DCHS1: variants seen among roughly 807,000 people sequenced by gnomAD.
DCHS1 encodes the protein protocadherin-16.
In DCHS1, 78 loss-of-function variants were observed where a neutral mutation model predicts 213.9. The observed-to-expected ratio is 0.36, with a 90% confidence interval of 0.30 to 0.44. DCHS1 has a LOEUF of 0.44. Ranked by LOEUF, DCHS1 falls within the 20% of genes least tolerant of loss-of-function variation. DCHS1 has a pLI of 1.00. For synonymous variants in DCHS1, 1,828 were observed against 1,873.7 expected (o/e 0.98, Z 0.63); for missense variants, 3,946 against 4,395.9 (o/e 0.90, Z 2.89).
chr11:6,642,974 G>A (rs945912667), intron 1 of DCHS1, among the ~76,000 whole-genome samples: 1 of 152,092 alleles, frequency 6.6e-6, no homozygotes, highest in South Asian at 2.1e-4. Context: ...TAGAGAGGCC[G>A]GGCTTGCTGA....
At position 6,641,898 on chromosome 11, in the gene DCHS1, G is replaced by C. The variant is rs970525658; in HGVS notation, c.-120-165C>G. Among the ~76,000 whole-genome samples the C allele has an allele frequency of 6.6e-6, 1 of 152,164 alleles. No homozygotes were observed. The highest frequency in any genetic ancestry group is 6.5e-5 in the Admixed American group (1 of 15,274). On this transcript the variant is annotated intron_variant, in intron 1 of 20. Coordinates refer to ENST00000299441, the MANE Select transcript of DCHS1 (RefSeq NM_003737.4). The surrounding 1 kb of genome is among the most constrained non-coding windows in gnomAD (Gnocchi z 7.1). ...ACGGATCTCTGCCTCAGGACTCTTC[G>C]AGGCCACTCCAGCCTTCCCCTTGGC... is the stretch of plus-strand genomic sequence containing the variant.
In DCHS1 at chr11:6,625,029, T is replaced by C. The variant is rs758152809; in HGVS notation, c.7147-161A>G. ...AATGGGAAATGCCCACCTTCTCCCC[T>C]TTCTGGGTACAGGATGCAAAACCAG... On this transcript the variant is annotated intron_variant, in intron 19 of 20. Coordinates refer to ENST00000299441, the MANE Select transcript of DCHS1 (RefSeq NM_003737.4). This position sits in a 1 kb window ranked among gnomAD's most constrained non-coding sequence, Gnocchi z 5.3. Among the ~76,000 whole-genome samples the C allele has an allele frequency of 1.2e-4, 18 of 152,196 alleles. No individual in the cohort carries two copies. The highest frequency in any genetic ancestry group is 2.6e-4 in the Non-Finnish European group (18 of 68,032).
chr11:6,623,925 G>T lies in DCHS1; in HGVS notation c.7751C>A (p.Ser2584Ter). The T allele has an allele frequency of 6.2e-7, 1 of 1,607,480 alleles. No individual in the cohort carries two copies. Among genetic ancestry groups the T allele is most frequent in the Non-Finnish European group, 8.5e-7 (1 of 1,175,138 alleles). The change falls in exon 21 of 21, where the codon TCA (serine) becomes TAA (stop). Residue 2584 changes from serine to a stop codon, truncating the protein, a stop_gained. Coordinates refer to ENST00000299441, the MANE Select transcript of DCHS1 (RefSeq NM_003737.4). LOFTEE classifies it high-confidence loss of function. The stretch of plus-strand genomic sequence containing the variant: ...TACAGTGACAGTGACTGGCACGACT[G>T]AGCTTTGGGGTGGCTGCCCACGGTC... ...AADRGQPPQS[S>*]VVPVTVTVLD...
At chr11:6,639,111 A>C (rs75928647) in intron 2 of DCHS1, among the ~76,000 whole-genome samples, 1 of 47,254 alleles carries the variant, frequency 2.1e-5, no homozygotes, top group Non-Finnish European at 7.4e-5. Flanking sequence ...CTCCGCCTCA[A>C]AAAAAAAAAA....
chr11:6,629,793 A>C lies in DCHS1; in HGVS notation c.4914T>G (p.Ser1638Arg), dbSNP rs1589955576. Reference protein sequence around the residue: ...PRSATQVLTVSVADVNDEAPT... With the variant: ...PRSATQVLTVRVADVNDEAPT... ...GCGCCTCGTCGTTGACGTCAGCGAC[A>C]CTGACGGTCAGGACCTGCGTGGCCG... is the stretch of plus-strand genomic sequence containing the variant. Residue 1638 changes from serine (S) to arginine (R), a missense_variant, in exon 11 of 21, where the codon AGT (serine) becomes AGG (arginine). Physicochemically the swap from Ser to Arg is moderately radical, Grantham distance 110. Transcript: ENST00000299441. 1 of 1,613,590 alleles carries C rather than the reference A, an allele frequency of 6.2e-7. No individual in the cohort carries two copies. The highest frequency in any genetic ancestry group is 8.5e-7 in the Non-Finnish European group (1 of 1,179,902).
rs1428259002 is a variant in DCHS1, at chr11:6,632,048, C to T, written c.3464G>A (p.Arg1155His). ...QQLSEDSKAF[R>H]IHPQTGEVTT... ...GTGCTCACCAGTCTGGGGGTGGATG[C>T]GGAAGGCCTTGCTGTCTTCAGACAG... Residue 1155 changes from arginine to histidine, a missense_variant, in exon 6 of 21, where the codon CGC becomes CAC. Physicochemically the swap from Arg to His is conservative, Grantham distance 29 (BLOSUM62 0). This residue lies in a region of DCHS1 where 3,384 missense variants were observed against 3,780.1 expected (regional missense o/e 0.90). Transcript: ENST00000299441. This position sits in a 1 kb window ranked among gnomAD's most constrained non-coding sequence, Gnocchi z 5.9. The T allele has an allele frequency of 6.6e-6, 10 of 1,514,936 alleles. No homozygotes were observed. Among genetic ancestry groups the T allele is most frequent in the Non-Finnish European group, 7.1e-6 (8 of 1,132,818 alleles). The allele number at this position is 1,514,936 out of a possible 1,614,324, so 93.8% of individuals were successfully genotyped here. A position where few individuals can be genotyped will look rare whatever the true frequency, so the allele number is the denominator to read the frequency against.
intron 1 of DCHS1, among the ~76,000 whole-genome samples, chr11:6,646,916 G>T (rs893564698): frequency 4.6e-5 from 7 of 152,292 alleles, no homozygotes; most frequent in East Asian, 3.9e-4. Flanking sequence ...GGTGGGCTGG[G>T]GGGGAGGAGC....
rs571764095 is a variant in DCHS1, at chr11:6,623,804, T to C, written c.7872A>G (p.Val2624=). 164 of 1,613,898 alleles carry C rather than the reference T, an allele frequency of 1.0e-4. No homozygotes were observed. The highest frequency in any genetic ancestry group is 5.0e-4 in the Admixed American group (30 of 60,030). The change falls in exon 21 of 21, where the codon GTA becomes GTG. Residue 2624 remains valine, a synonymous_variant. Coordinates refer to ENST00000299441, the MANE Select transcript of DCHS1 (RefSeq NM_003737.4). The stretch of plus-strand genomic sequence containing the variant: ...GGCCAGGGTCAGCGTCAGAGGCCTC[T>C]ACATGCAGCAGCTCAGCTCCAACAG... The part of the protein sequence containing the change: ...DTPVGAELLH[V]EASDADPGPH...
rs148587402 is a variant in DCHS1, at chr11:6,621,827, G to A, written c.9849C>T (p.Ser3283=). Residue 3283 remains serine (S), a synonymous_variant, in exon 21 of 21, where the codon AGC becomes AGT. Coordinates refer to ENST00000299441, the MANE Select transcript of DCHS1 (RefSeq NM_003737.4). The part of the protein sequence containing the change: ...VAQGPSASAL[S]AESGLEPPDD... Reference sequence around the variant, plus strand: ...CAGGTGGCTCCAGGCCAGACTCTGCGCTGAGTGCTGAGGCTGAGGGACCCT... The same window carrying A: ...CAGGTGGCTCCAGGCCAGACTCTGCACTGAGTGCTGAGGCTGAGGGACCCT... 4.2e-5 allele frequency: 67 copies of A among 1,608,190 alleles called. No homozygotes were observed. The highest frequency in any genetic ancestry group is 2.5e-4 in the African/African-American group (19 of 74,958).
rs764657384 is a variant in DCHS1, at chr11:6,624,865, T to A, written c.7150A>T (p.Met2384Leu). The A allele has an allele frequency of 6.2e-7, 1 of 1,613,808 alleles. No homozygotes were observed. The highest frequency in any genetic ancestry group is 1.1e-5 in the South Asian group (1 of 91,036). The change falls in exon 20 of 21, where the codon ATG (methionine) becomes TTG (leucine). Residue 2384 changes from methionine (M) to leucine (L), a missense_variant. Met to Leu is a conservative substitution (Grantham distance 15). Coordinates refer to ENST00000299441, the MANE Select transcript of DCHS1 (RefSeq NM_003737.4). ...CCTGGGGGTGTGTGCTCAAGCAGCA[T>A]TACCTGAAGTGTGAGGAAAAGTGCT... ...PAFSQSLYQV[M>L]LLEHTPPGSA...
In DCHS1 at chr11:6,626,265, G is replaced by T; in HGVS notation, c.6480C>A (p.Thr2160=). 6.2e-7 allele frequency: 1 copy of T among 1,612,994 alleles called. No individual in the cohort carries two copies. The highest frequency in any genetic ancestry group is 8.5e-7 in the Non-Finnish European group (1 of 1,179,468). Residue 2160 remains threonine, a synonymous_variant, in exon 16 of 21, where the codon ACC becomes ACA. Transcript: ENST00000299441. The surrounding 1 kb of genome is among the most constrained non-coding windows in gnomAD (Gnocchi z 5.2). ...GAGCATTGTCGTTGGCATCTTGCAGGGTCAGGGTCAGCACAGTGAAGGCAA... is the reference window on the plus strand; with the variant it reads ...GAGCATTGTCGTTGGCATCTTGCAGTGTCAGGGTCAGCACAGTGAAGGCAA... ...GAFAFTVLTL[T]LQDANDNAPR... is the part of the protein sequence containing the mutation.
Position 6,630,488 on chromosome 11 carries a change from A to C in DCHS1, c.4306T>G (p.Phe1436Val). Reference protein sequence around the residue: ...VQDENEHAPAFARDPLALALP... With the variant: ...VQDENEHAPAVARDPLALALP... ...GCCAGCGCCAGCGGGTCGCGCGCAA[A>C]GGCGGGCGCATGCTCATTCTCGTCC... is the stretch of plus-strand genomic sequence containing the variant. The change falls in exon 10 of 21, where the codon TTT becomes GTT. Residue 1436 changes from phenylalanine to valine, a missense_variant. This residue lies in a region of DCHS1 where 3,384 missense variants were observed against 3,780.1 expected (regional missense o/e 0.90). Transcript: ENST00000299441. 1 of 1,534,182 alleles carries C rather than the reference A, an allele frequency of 6.5e-7. No individual in the cohort carries two copies. The highest frequency in any genetic ancestry group is 8.7e-7 in the Non-Finnish European group (1 of 1,146,864).
Position 6,633,528 on chromosome 11 carries a change from A to C in DCHS1, c.2339T>G (p.Ile780Ser). 1 of 1,586,968 alleles carries C rather than the reference A, an allele frequency of 6.3e-7. No homozygotes were observed. Among genetic ancestry groups the C allele is most frequent in the Non-Finnish European group, 8.6e-7 (1 of 1,166,360 alleles). The change falls in exon 5 of 21, where the codon ATT becomes AGT. Residue 780 changes from isoleucine to serine, a missense_variant. Coordinates refer to ENST00000299441, the MANE Select transcript of DCHS1 (RefSeq NM_003737.4). ...GGGTGGTGTGGGGGTTCCAGGCACA[A>C]TGCTGATGTCCACTCGGGCACTGGG... The part of the protein sequence containing the change: ...AEPSARVDIS[I>S]VPGTPTPPIF...
At chr11:6,648,652 T>C (rs1856201606) in intron 1 of DCHS1, among the ~76,000 whole-genome samples, 1 of 152,182 alleles carries the variant, frequency 6.6e-6, no homozygotes, top group African/African-American at 2.4e-5. Flanking sequence ...AGGATAGTGG[T>C]TAAGATGCAG....
rs143630838 is a variant in DCHS1 at position 6,622,067 on chromosome 11, G to C, written c.9609C>G (p.Pro3203=). ...CTGGGTGGGCCACGGCAGTGATGAG[G>C]GGTGGTGGGTCGATACGGGGAGCTG... ...CPPAPRIDPP[P]LITAVAHPGA... is the part of the protein sequence containing the mutation. Residue 3203 remains proline (P), a synonymous_variant, in exon 21 of 21, where the codon CCC becomes CCG. Coordinates refer to ENST00000299441, the MANE Select transcript of DCHS1 (RefSeq NM_003737.4). The surrounding 1 kb of genome is among the most constrained non-coding windows in gnomAD (Gnocchi z 5.4). 1,705 of 1,612,986 alleles carry C rather than the reference G, an allele frequency of 1.1e-3. No homozygotes were observed. The highest frequency in any genetic ancestry group is 1.3e-3 in the Non-Finnish European group (1,477 of 1,179,670).
Position 6,641,336 on chromosome 11 carries a change from G to A in DCHS1, c.278C>T (p.Ala93Val), listed in dbSNP as rs369328867. 2 of 1,613,508 alleles carry A rather than the reference G, an allele frequency of 1.2e-6. No homozygotes were observed. Among genetic ancestry groups the A allele is most frequent in the Admixed American group, 1.7e-5 (1 of 60,008 alleles). ...GACGACCCCACTGTGTTCGTCAATG[G>A]CCAGGTCTGTGCCCACGCCGCTGCC... is the stretch of plus-strand genomic sequence containing the variant. The part of the protein sequence containing the change: ...QEGSGVGTDL[A>V]IDEHSGVVRT... Residue 93 changes from alanine (A) to valine (V), a missense_variant, in exon 2 of 21, where the codon GCC (alanine) becomes GTC (valine). Transcript: ENST00000299441. The surrounding 1 kb of genome is among the most constrained non-coding windows in gnomAD (Gnocchi z 7.1).
In DCHS1 at chr11:6,629,741, C is replaced by A; in HGVS notation, c.4966G>T (p.Val1656Phe). 1 of 1,613,872 alleles carries A rather than the reference C, an allele frequency of 6.2e-7. No individual in the cohort carries two copies. Among genetic ancestry groups the A allele is most frequent in the South Asian group, 1.1e-5 (1 of 91,084 alleles). Residue 1656 changes from valine (V) to phenylalanine (F), a missense_variant, in exon 11 of 21, where the codon GTC (valine) becomes TTC (phenylalanine). Physicochemically the swap from Val to Phe is conservative, Grantham distance 50. This residue lies in a region of DCHS1 where 3,384 missense variants were observed against 3,780.1 expected (regional missense o/e 0.90). Transcript: ENST00000299441. ...APTFQQQEYSVLLRENNPPGT... is the reference protein window; with the variant it reads ...APTFQQQEYSFLLRENNPPGT... The stretch of plus-strand genomic sequence containing the variant: ...GGAGGGTTGTTCTCACGCAAGAGGA[C>A]GCTGTACTCCTGCTGCTGGAAAGTA...
Position 6,633,955 on chromosome 11 carries a change from C to G in DCHS1, c.2052G>C (p.Gln684His), listed in dbSNP as rs1400794602. The change falls in exon 4 of 21, where the codon CAG becomes CAC. Residue 684 changes from glutamine to histidine, a missense_variant. Gln to His is a conservative substitution (Grantham distance 24). Around this residue, in one of 3 missense-constraint regions of DCHS1, gnomAD observed 3,384 missense variants for 3,780.1 expected, o/e 0.90. Coordinates refer to ENST00000299441, the MANE Select transcript of DCHS1 (RefSeq NM_003737.4). ...FLSDENDNPP[Q>H]FYPREYAASI... Reference sequence around the variant, plus strand: ...TGGCAGCATACTCCCGTGGATAAAACTGAGGAGGGTTGTCATTCTCGTCTG... The same window carrying G: ...TGGCAGCATACTCCCGTGGATAAAAGTGAGGAGGGTTGTCATTCTCGTCTG... The G allele has an allele frequency of 6.2e-7, 1 of 1,613,908 alleles. No homozygotes were observed. The highest frequency in any genetic ancestry group is 8.5e-7 in the Non-Finnish European group (1 of 1,179,894).
Position 6,642,971 on chromosome 11 carries a change from G to A in DCHS1, c.-120-1238C>T, listed in dbSNP as rs368714050. Among the ~76,000 whole-genome samples, 14 of 152,278 alleles carry A rather than the reference G, an allele frequency of 9.2e-5. No homozygotes were observed. The East Asian group carries it at 1.4e-3, about 15-fold the overall frequency. ...CTGGTGGGGTTCAGGAAGTAGAGAG[G>A]CCGGGCTTGCTGACTGTTTGAAGTG... On this transcript the variant is annotated intron_variant, in intron 1 of 20. Transcript: ENST00000299441.
Sources: allele counts gnomAD v4.1 joint callset (sites outside exome capture counted in the v4.1 genomes callset), GRCh38; gene constraint gnomAD v4.1.1; regional missense constraint gnomAD v4.1.1; non-coding constraint Gnocchi (gnomAD v3.1); transcripts MANE v1.5; gene names NCBI Gene and HGNC (gene_info 2026-07-23, HGNC 2026-07-21).